EGF: variants seen among roughly 807,000 people sequenced by gnomAD.
The protein encoded by EGF is pro-epidermal growth factor.
In EGF, 95 loss-of-function variants were observed where a neutral mutation model predicts 143.8. The observed-to-expected ratio is 0.66, with a 90% CI of 0.56 to 0.78. EGF has a LOEUF of 0.78. EGF is among the 30% of genes least tolerant of loss of function. The pLI is 0.00. For missense variants in EGF, 1,320 were observed against 1,470.9 expected (o/e 0.90, Z 1.68); for synonymous variants, 510 against 510.5 (o/e 1.00, Z 0.01).
intron 12 of EGF, among the ~76,000 whole-genome samples, chr4:109,975,083 T>C (rs1011304985): frequency 1.2e-4 from 19 of 152,222 alleles, no homozygotes; most frequent in African/African-American, 4.6e-4. Flanking sequence ...TCTACTTTCT[T>C]TAAAAATTTG....
At chr4:109,914,109 G>A (rs1436489758) in intron 1 of EGF, among the ~76,000 whole-genome samples, 1 of 152,140 alleles carries the variant, frequency 6.6e-6, no homozygotes, top group African/African-American at 2.4e-5. Flanking sequence ...CATATTAAAT[G>A]AATTTTTTGC....
chr4:109,955,459 C>G (rs190428002), intron 5 of EGF, among the ~76,000 whole-genome samples: 1 of 152,258 alleles, frequency 6.6e-6, no homozygotes, highest in Admixed American at 6.5e-5. Flanking sequence ...TTGCCACCAC[C>G]TAAAATGACC....
intron 5 of EGF, among the ~76,000 whole-genome samples, chr4:109,955,432 C>T (rs1744638892): frequency 6.6e-6 from 1 of 152,040 alleles, no homozygotes; most frequent in Non-Finnish European, 1.5e-5. Flanking sequence ...AAAATATAAC[C>T]CTCAATCCTC....
chr4:109,967,531 G>C (rs1746798318), intron 10 of EGF, among the ~76,000 whole-genome samples: 1 of 151,958 alleles, frequency 6.6e-6, no homozygotes, highest in Non-Finnish European at 1.5e-5. Flanking sequence ...CTTATTTTTG[G>C]TTTCATGTGA....
At chr4:110,002,701 G>T (rs1445395943) in intron 21 of EGF, among the ~76,000 whole-genome samples, 1 of 151,852 alleles carries the variant, frequency 6.6e-6, no homozygotes, top group Non-Finnish European at 1.5e-5. Context: ...ATATGTAAAG[G>T]TTTGTTACAC....
Position 109,969,117 on chromosome 4 carries a change from AGGG to A in EGF, c.1723_1724+1del. ...GCCGTAGATTCTATTGGACAGACAG[AGGG>A]TATGTTTTCTGCTTCAGTTTTAAGC... On this transcript the variant is annotated splice_donor_variant and coding_sequence_variant, in exon 11 of 24. Transcript: ENST00000265171. LOFTEE classifies it high-confidence loss of function. The A allele has an allele frequency of 6.2e-7, 1 of 1,614,086 alleles. No individual in the cohort carries two copies.
intron 6 of EGF, among the ~76,000 whole-genome samples, chr4:109,959,722 A>T (rs1442199816): frequency 6.6e-6 from 1 of 152,178 alleles, no homozygotes; most frequent in Non-Finnish European, 1.5e-5. Flanking sequence ...GGATTCTCTA[A>T]GTGGATTCTA....
intron 23 of EGF, among the ~76,000 whole-genome samples, chr4:110,010,743 A>T (rs1753888448): frequency 6.6e-6 from 1 of 152,160 alleles, no homozygotes; most frequent in Non-Finnish European, 1.5e-5. Flanking sequence ...GAGCCCCTGC[A>T]CTGGCCTATT....
intron 18 of EGF, among the ~76,000 whole-genome samples, chr4:109,989,348 C>T (rs565627681): frequency 2.3e-4 from 35 of 152,282 alleles, no homozygotes; most frequent in African/African-American, 7.0e-4. Context: ...CATCGCATCA[C>T]GTACAAGTGA....
chr4:109,961,027 C>A (rs752010330), intron 7 of EGF, 38 bp downstream of exon 7: 2 of 1,611,746 alleles, frequency 1.2e-6, no homozygotes, highest in South Asian at 2.2e-5. Flanking sequence ...CATTAGTTTT[C>A]TTCATTTTCA....
At chr4:110,001,870 AT>A in intron 21 of EGF, 1 of 985,414 alleles carries the variant, frequency 1.0e-6, no homozygotes, top group African/African-American at 1.7e-5. Flanking sequence ...GAGTTGTACA[AT>A]TCTTCCTGAG....
chr4:109,981,450 G>A (rs1379371859), intron 15 of EGF, among the ~76,000 whole-genome samples: 1 of 152,178 alleles, frequency 6.6e-6, no homozygotes, highest in Non-Finnish European at 1.5e-5. Context: ...GGCTTGTGAT[G>A]TACTTTTTTA....
intron 12 of EGF, among the ~76,000 whole-genome samples, chr4:109,975,489 C>A (rs1005531034): frequency 6.6e-6 from 1 of 151,726 alleles, no homozygotes; most frequent in South Asian, 2.1e-4. Context: ...ATATTGACTT[C>A]AAAAAAAATG....
chr4:109,972,383 C>T (rs1466247540), intron 11 of EGF, among the ~76,000 whole-genome samples: 1 of 152,160 alleles, frequency 6.6e-6, no homozygotes. Context: ...TTATGTCGTT[C>T]TCGTCTCATC....
At position 109,919,387 on chromosome 4, in the gene EGF, C is replaced by T. The variant is rs1195397960; in HGVS notation, c.127+5925C>T. 8.6e-5 allele frequency among the ~76,000 whole-genome samples: 13 copies of T among 151,262 alleles called. No individual in the cohort carries two copies. The South Asian group carries it at 2.7e-3, about 32-fold the overall frequency. On this transcript the variant is annotated intron_variant, in intron 1 of 23. Coordinates refer to ENST00000265171, the MANE Select transcript of EGF (RefSeq NM_001963.6). ...TCTCTCTCCCTCTGTCTGTATCTCT[C>T]TCTGTCCTGTATTCTGAGTCTGGGA...
intron 9 of EGF, among the ~76,000 whole-genome samples, chr4:109,963,973 C>T (rs891295995): frequency 6.6e-6 from 1 of 152,144 alleles, no homozygotes; most frequent in African/African-American, 2.4e-5. Flanking sequence ...GCTATTAACT[C>T]AAATCATTGT....
At chr4:110,011,040 CA>C (rs1396675873) in intron 23 of EGF, among the ~76,000 whole-genome samples, 161 bp from the exon 24 acceptor site, 76 of 128,522 alleles carry the variant, frequency 5.9e-4, no homozygotes, top group Admixed American at 3.2e-3. Context: ...AGATGCTTAT[CA>C]AAAAAAAAAA....
At chr4:109,937,286 A>G (rs1341675690) in intron 1 of EGF, among the ~76,000 whole-genome samples, 1 of 151,022 alleles carries the variant, frequency 6.6e-6, no homozygotes, top group Non-Finnish European at 1.5e-5. Context: ...CCATTATGTA[A>G]TGGTCTTCTT....
chr4:109,951,329 G>C (rs1197706799), intron 5 of EGF, among the ~76,000 whole-genome samples: 1 of 152,010 alleles, frequency 6.6e-6, no homozygotes, highest in Non-Finnish European at 1.5e-5. Flanking sequence ...CTGCACTGTA[G>C]TCTGGGCAAC....
Sources: allele counts gnomAD v4.1 joint callset (sites outside exome capture counted in the v4.1 genomes callset), GRCh38; gene constraint gnomAD v4.1.1; transcripts MANE v1.5; gene names NCBI Gene and HGNC (gene_info 2026-07-23, HGNC 2026-07-21).